GLIS3: variants seen among roughly 807,000 people sequenced by gnomAD.
The protein encoded by GLIS3 is GLIS family zinc finger 3.
GLIS3 carries 53 observed loss-of-function variants against 78.6 expected under a neutral mutation model. The ratio of observed to expected loss-of-function variants is 0.67; its 90% CI spans 0.54 to 0.85. The LOEUF (loss-of-function observed/expected upper bound fraction) is 0.85. Ranked by LOEUF, GLIS3 falls within the 40% of genes least tolerant of loss-of-function variation. The probability of loss-of-function intolerance (pLI) is 0.00; values close to 1 mark genes in which losing one functional copy is unlikely to be tolerated. For synonymous variants in GLIS3, 684 were observed against 509.9 expected, an observed-to-expected ratio of 1.34 and a Z score of -4.60; for missense variants, 1,703 against 1,231.1, an observed-to-expected ratio of 1.38 and a Z score of -5.74.
intron 4 of GLIS3, among the ~76,000 whole-genome samples, chr9:3,949,977 G>A (rs1234348597): frequency 6.6e-6 from 1 of 152,096 alleles, no homozygotes; most frequent in Non-Finnish European, 1.5e-5. Context: ...CTACACTGAG[G>A]GCTCACAGGC....
intron 2 of GLIS3, among the ~76,000 whole-genome samples, chr9:4,206,739 A>G (rs969939759): frequency 2.6e-5 from 4 of 152,238 alleles, no homozygotes; most frequent in African/African-American, 9.6e-5. Context: ...AACGGTTTGA[A>G]TGAAAATCTT....
intron 8 of GLIS3, among the ~76,000 whole-genome samples, chr9:3,859,794 T>C (rs1292559067): frequency 1.3e-5 from 2 of 152,002 alleles, no homozygotes; most frequent in African/African-American, 4.8e-5. Flanking sequence ...CTCTGTTAAA[T>C]AGGCACATAA....
chr9:4,444,875 C>T, the GLIS3 span, among the ~76,000 whole-genome samples: 3 of 152,306 alleles, frequency 2.0e-5, no homozygotes, highest in East Asian at 3.9e-4. Flanking sequence ...AGTGAAAAAC[C>T]TCCATAGGGG....
chr9:4,410,947 G>GT, the GLIS3 span, among the ~76,000 whole-genome samples: 2 of 151,890 alleles, frequency 1.3e-5, no homozygotes, highest in Non-Finnish European at 2.9e-5. Flanking sequence ...AAACTCTTGG[G>GT]TTTTTTTCTT....
At chr9:4,435,000 T>C in the GLIS3 span, among the ~76,000 whole-genome samples, 1 of 152,190 alleles carries the variant, frequency 6.6e-6, no homozygotes, top group Non-Finnish European at 1.5e-5. Flanking sequence ...AATTGTATGA[T>C]TTGGACTCAA....
intron 4 of GLIS3, among the ~76,000 whole-genome samples, chr9:4,064,463 G>T (rs1826926042): frequency 6.6e-6 from 1 of 152,100 alleles, no homozygotes; most frequent in Non-Finnish European, 1.5e-5. Context: ...GATTTTCATT[G>T]TCTTATTTTC....
intron 4 of GLIS3, among the ~76,000 whole-genome samples, chr9:4,085,048 C>A (rs1017134278): frequency 4.6e-5 from 7 of 151,676 alleles, no homozygotes; most frequent in African/African-American, 1.7e-4. Context: ...AGTGTTTATA[C>A]ATAAAATTAT....
chr9:4,429,778 C>T, the GLIS3 span, among the ~76,000 whole-genome samples: 111 of 152,112 alleles, frequency 7.3e-4, no homozygotes, highest in East Asian at 5.8e-3. Flanking sequence ...GGAGAAGTGA[C>T]GAAACTGTAT....
intron 8 of GLIS3, among the ~76,000 whole-genome samples, chr9:3,869,266 G>GGTGTGT (rs58818313): frequency 0.13 from 19,598 of 151,144 alleles, 1,391 homozygotes; most frequent in Non-Finnish European, 0.16. Context: ...AATTATCTAG[G>GGTGTGT]GTGTGTGTGT....
At chr9:4,127,774 T>A (rs1169649324) in intron 2 of GLIS3, among the ~76,000 whole-genome samples, 1 of 131,848 alleles carries the variant, frequency 7.6e-6, no homozygotes, top group Admixed American at 7.4e-5. Context: ...TTATCAAGTA[T>A]TCTGTCAAAT....
chr9:4,225,752 G>A (rs1472357412), intron 2 of GLIS3, among the ~76,000 whole-genome samples: 1 of 152,192 alleles, frequency 6.6e-6, no homozygotes, highest in Non-Finnish European at 1.5e-5. Context: ...AGGGTGAAAT[G>A]TTGACAACTT....
chr9:4,192,529 A>G (rs761905533), intron 2 of GLIS3, among the ~76,000 whole-genome samples: 1 of 152,258 alleles, frequency 6.6e-6, no homozygotes, highest in African/African-American at 2.4e-5. Flanking sequence ...ACTGGTTTCA[A>G]CCTGTGAACT....
chr9:3,952,367 C>G (rs912847850), intron 4 of GLIS3, among the ~76,000 whole-genome samples: 6 of 152,142 alleles, frequency 3.9e-5, no homozygotes, highest in Non-Finnish European at 8.8e-5. Context: ...AGAGGCACCA[C>G]CACCCAGGGG....
chr9:4,024,090 ATAGTGCTG>A, intron 4 of GLIS3, among the ~76,000 whole-genome samples: 1 of 152,312 alleles, frequency 6.6e-6, no homozygotes, highest in East Asian at 1.9e-4. Flanking sequence ...GCAGAGTTGT[ATAGTGCTG>A]CTTAGTCCAT....
At chr9:4,171,501 T>G (rs1164185403) in intron 2 of GLIS3, among the ~76,000 whole-genome samples, 2 of 152,232 alleles carry the variant, frequency 1.3e-5, no homozygotes, top group Non-Finnish European at 2.9e-5. Flanking sequence ...CCTCATTCAC[T>G]TAATTTGAAA....
chr9:3,958,143 A>G (rs1817276549), intron 4 of GLIS3, among the ~76,000 whole-genome samples: 1 of 152,180 alleles, frequency 6.6e-6, no homozygotes, highest in African/African-American at 2.4e-5. Flanking sequence ...TTTGGAGGTA[A>G]ATGTCTGCCA....
chr9:4,317,615 C>T (rs372664091), intron 2 of GLIS3, among the ~76,000 whole-genome samples: 4 of 152,144 alleles, frequency 2.6e-5, no homozygotes, highest in South Asian at 2.1e-4. Flanking sequence ...TATATGATAC[C>T]TATTTTCATT....
At chr9:4,290,501 T>C (rs1458060854) in intron 1 of GLIS3, among the ~76,000 whole-genome samples, 1 of 152,166 alleles carries the variant, frequency 6.6e-6, no homozygotes, top group African/African-American at 2.4e-5. Flanking sequence ...GCTTCTCTTG[T>C]TACAGCTTTT....
chr9:4,245,569 C>A (rs1036702164), intron 2 of GLIS3, among the ~76,000 whole-genome samples: 2 of 152,250 alleles, frequency 1.3e-5, no homozygotes, highest in Non-Finnish European at 1.5e-5. Context: ...ATGCTAAATA[C>A]GTTTTTCTTA....
Sources: gnomAD v4.1 joint callset for allele counts (sites outside exome capture counted in the v4.1 genomes callset) on GRCh38, gnomAD v4.1.1 for gene constraint, MANE v1.5 for transcripts, NCBI Gene and HGNC (gene_info 2026-07-23, HGNC 2026-07-21) for gene names.